The following CADM2 variants were observed in gnomAD, a reference collection of about 807,000 sequenced individuals.
CADM2 encodes cell adhesion molecule 2, also known as immunoglobulin superfamily member 4D.
In CADM2, 12 loss-of-function variants were observed where a neutral mutation model predicts 49.8. The observed-to-expected ratio is 0.24, with a 90% CI of 0.15 to 0.39. CADM2 has a LOEUF of 0.39. CADM2 is among the 10% of genes least tolerant of loss of function. The probability of loss-of-function intolerance (pLI) is 1.00; values close to 1 mark genes in which losing one functional copy is unlikely to be tolerated. For synonymous variants in CADM2, 214 were observed against 175.4 expected (o/e 1.22, Z -1.74); for missense variants, 378 against 492.3 (o/e 0.77, Z 2.20).
At chr3:85,107,601 CTCTTTCTTTT>C (rs1220174779) in intron 1 of CADM2, among the ~76,000 whole-genome samples, 3 of 147,044 alleles carry the variant, frequency 2.0e-5, no homozygotes, top group African/African-American at 7.7e-5. Context: ...TTCTTTCTTT[CTCTTTCTTTT>C]TCTTTCTTTC....
At chr3:85,326,666 ATTGTAAAAG>A (rs2044760247) in intron 1 of CADM2, among the ~76,000 whole-genome samples, 1 of 152,208 alleles carries the variant, frequency 6.6e-6, no homozygotes, top group African/African-American at 2.4e-5. Context: ...GCCATTTTCA[ATTGTAAAAG>A]TCTAATGGAA....
chr3:85,437,693 T>C (rs2036995952), intron 1 of CADM2, among the ~76,000 whole-genome samples: 1 of 152,098 alleles, frequency 6.6e-6, no homozygotes, highest in East Asian at 1.9e-4. Flanking sequence ...TATATTTAAA[T>C]AAATAGGGCT....
intron 1 of CADM2, among the ~76,000 whole-genome samples, chr3:85,383,813 A>T (rs2034050646): frequency 6.6e-6 from 1 of 151,922 alleles, no homozygotes; most frequent in African/African-American, 2.4e-5. Flanking sequence ...TTTTCAAAAA[A>T]GTTCCATTCC....
At chr3:85,169,950 T>G (rs1008726343) in intron 1 of CADM2, among the ~76,000 whole-genome samples, 2 of 152,224 alleles carry the variant, frequency 1.3e-5, no homozygotes, top group Non-Finnish European at 2.9e-5. Flanking sequence ...ACAGAAACTG[T>G]TGAGCAAATT....
intron 1 of CADM2, among the ~76,000 whole-genome samples, chr3:85,163,824 T>G (rs1261067348): frequency 1.3e-5 from 2 of 151,974 alleles, no homozygotes; most frequent in African/African-American, 4.8e-5. Context: ...ATCCATATGG[T>G]TTTTAGCATG....
At chr3:85,212,840 T>TC (rs1377383574) in intron 1 of CADM2, among the ~76,000 whole-genome samples, 1 of 110,188 alleles carries the variant, frequency 9.1e-6, no homozygotes, top group African/African-American at 4.2e-5. Flanking sequence ...CTTTCTTTCT[T>TC]TCTTTCTTTC....
chr3:85,821,690 T>G (rs1029545142), intron 3 of CADM2, among the ~76,000 whole-genome samples: 1 of 152,176 alleles, frequency 6.6e-6, no homozygotes, highest in African/African-American at 2.4e-5. Context: ...ATGGTGATCA[T>G]GACAAACTAA....
intron 3 of CADM2, among the ~76,000 whole-genome samples, chr3:85,808,813 T>C (rs2108111388): frequency 6.6e-6 from 1 of 152,338 alleles, no homozygotes; most frequent in Admixed American, 6.5e-5. Context: ...TAGCCAATTA[T>C]TCTAATAATT....
At chr3:85,807,225 A>T (rs1309046484) in intron 3 of CADM2, among the ~76,000 whole-genome samples, 1 of 152,146 alleles carries the variant, frequency 6.6e-6, no homozygotes, top group Non-Finnish European at 1.5e-5. Flanking sequence ...AGGGCCAGGC[A>T]TGGTAGCTCA....
intron 2 of CADM2, among the ~76,000 whole-genome samples, chr3:85,790,151 G>A (rs1481454529): frequency 1.3e-5 from 2 of 152,172 alleles, no homozygotes; most frequent in Non-Finnish European, 2.9e-5. Context: ...TAACTGTGCT[G>A]GGAATATTAA....
chr3:85,784,216 T>G (rs190029057), intron 2 of CADM2, among the ~76,000 whole-genome samples: 2 of 152,340 alleles, frequency 1.3e-5, no homozygotes. Flanking sequence ...TTCTATTCAA[T>G]GCCCTTAATT....
chr3:85,829,248 C>A (rs1289581794), intron 3 of CADM2, among the ~76,000 whole-genome samples: 3 of 151,674 alleles, frequency 2.0e-5, no homozygotes, highest in African/African-American at 4.8e-5. Context: ...CTTTCTCTGC[C>A]AAACATAAGG....
chr3:85,456,676 T>C (rs2038005910), intron 1 of CADM2, among the ~76,000 whole-genome samples: 1 of 152,080 alleles, frequency 6.6e-6, no homozygotes, highest in Admixed American at 6.5e-5. Flanking sequence ...GTTTCTAATA[T>C]CAATTTCAGA....
At chr3:86,049,639 A>G (rs1737107002) in intron 8 of CADM2, among the ~76,000 whole-genome samples, 1 of 152,150 alleles carries the variant, frequency 6.6e-6, no homozygotes. Context: ...CGATGCTGCC[A>G]TCTGCTCAGC....
At chr3:85,221,989 A>G (rs2107793554) in intron 1 of CADM2, among the ~76,000 whole-genome samples, 1 of 152,344 alleles carries the variant, frequency 6.6e-6, no homozygotes, top group Non-Finnish European at 1.5e-5. Flanking sequence ...ATATTTTATC[A>G]CAATGAAGTT....
At chr3:85,183,470 A>G (rs1393490744) in intron 1 of CADM2, among the ~76,000 whole-genome samples, 1 of 152,124 alleles carries the variant, frequency 6.6e-6, no homozygotes, top group Non-Finnish European at 1.5e-5. Flanking sequence ...ATTTCAATGT[A>G]TTATGTAGCT....
chr3:85,031,537 C>T (rs771599969), intron 1 of CADM2, among the ~76,000 whole-genome samples: 5 of 152,130 alleles, frequency 3.3e-5, no homozygotes, highest in East Asian at 1.9e-4. Context: ...TATTTTGAGA[C>T]GGAGTCTCGC....
intron 1 of CADM2, among the ~76,000 whole-genome samples, chr3:85,076,153 AAAT>A (rs747067063): frequency 8.5e-5 from 13 of 152,088 alleles, no homozygotes; most frequent in Non-Finnish European, 1.8e-4. Flanking sequence ...TTTAATCTTT[AAAT>A]AATTATCCTC....
intron 5 of CADM2, among the ~76,000 whole-genome samples, chr3:85,901,558 A>G (rs1716121497): frequency 6.6e-6 from 1 of 152,198 alleles, no homozygotes; most frequent in African/African-American, 2.4e-5. Context: ...CTCTTCAATC[A>G]GTAACTCTAA....
Sources: gnomAD v4.1 joint callset for allele counts (sites outside exome capture counted in the v4.1 genomes callset) on GRCh38, gnomAD v4.1.1 for gene constraint, MANE v1.5 for transcripts, NCBI Gene and HGNC (gene_info 2026-07-23, HGNC 2026-07-21) for gene names.